CREBBP: variants seen among roughly 807,000 people sequenced by gnomAD.
CREBBP encodes the protein CREB-binding protein.
Under a neutral mutation model 265.0 loss-of-function variants are expected in CREBBP, and 19 were observed. That is an observed-to-expected ratio of 0.07 (90% CI 0.05 to 0.11). CREBBP has a LOEUF of 0.11. Among genes scored for constraint, CREBBP ranks in the 10% least tolerant of loss-of-function variants. CREBBP has a pLI of 1.00. For synonymous variants in CREBBP, 1,457 were observed against 1,223.7 expected (o/e 1.19, Z -3.98); for missense variants, 2,525 against 3,219.0 (o/e 0.78, Z 5.22).
At chr16:3,849,453 G>GA (rs1567360806) in intron 2 of CREBBP, among the ~76,000 whole-genome samples, 1 of 71,772 alleles carries the variant, frequency 1.4e-5, no homozygotes, top group African/African-American at 4.1e-5. Flanking sequence ...GTGTGTGTGT[G>GA]TGTGTGTGTG....
At chr16:3,746,629 G>A (rs554380793) in intron 21 of CREBBP, among the ~76,000 whole-genome samples, 49 of 152,240 alleles carry the variant, frequency 3.2e-4, no homozygotes, top group African/African-American at 1.1e-3. Flanking sequence ...TCCCTCCCAT[G>A]TCAGGGGAAA....
intron 5 of CREBBP, among the ~76,000 whole-genome samples, chr16:3,787,428 C>T (rs1415804659): frequency 6.6e-6 from 1 of 152,116 alleles, no homozygotes; most frequent in African/African-American, 2.4e-5. Context: ...CAATCAAGCC[C>T]ACCATTCTCT....
chr16:3,818,986 C>G (rs1205935892), intron 2 of CREBBP, among the ~76,000 whole-genome samples: 2 of 152,356 alleles, frequency 1.3e-5, no homozygotes, highest in Non-Finnish European at 2.9e-5. Context: ...GGGCTCATCA[C>G]CTCCCCGCTT....
chr16:3,879,738 GA>G, intron 1 of CREBBP, 93 bp downstream of exon 1: 1 of 1,350,664 alleles, frequency 7.4e-7, no homozygotes, highest in Non-Finnish European at 1.0e-6. Flanking sequence ...CTCCCGGCTC[GA>G]TCGGTATCCG....
intron 16 of CREBBP, among the ~76,000 whole-genome samples, chr16:3,761,396 G>A (rs1262594368): frequency 6.6e-6 from 1 of 152,160 alleles, no homozygotes; most frequent in Non-Finnish European, 1.5e-5. Flanking sequence ...TGTGGGGTGG[G>A]GATGGTCTAA....
At chr16:3,758,802 A>G in intron 17 of CREBBP, 52 bp downstream of exon 17, 1 of 1,298,456 alleles carries the variant, frequency 7.7e-7, no homozygotes, top group Non-Finnish European at 1.1e-6. Flanking sequence ...AACAATGGAC[A>G]CTCAGAAGTC....
rs1027808459 is a variant in CREBBP at position 3,836,326 on chromosome 16, C to T, written c.798+13971G>A. Among the ~76,000 whole-genome samples, 5 of 149,624 alleles carry T rather than the reference C, an allele frequency of 3.3e-5. No homozygotes were observed. In the South Asian group the frequency reaches 6.3e-4, roughly 19 times the overall value. On this transcript the variant is annotated intron_variant, in intron 2 of 30. Coordinates refer to ENST00000262367, the MANE Select transcript of CREBBP (RefSeq NM_004380.3). ...GTGCACACCTGTAGTCCCAGCTACT[C>T]GGGAGGCTGAGGTAGGAGAATCGCT...
At chr16:3,879,733 GGCT>G (rs2055484939) in intron 1 of CREBBP, 96 bp downstream of exon 1, 1 of 1,307,328 alleles carries the variant, frequency 7.6e-7, no homozygotes, top group Non-Finnish European at 1.1e-6. Context: ...CCGAGCTCCC[GGCT>G]CGATCGGTAT....
chr16:3,774,032 G>GTGAGCCCTGTGCTT, intron 12 of CREBBP, 102 bp from the exon 13 acceptor site: 1 of 1,271,452 alleles, frequency 7.9e-7, no homozygotes, highest in Non-Finnish European at 1.1e-6. Context: ...CCCAGAGGAT[G>GTGAGCCCTGTGCTT]GCAAGCACAG....
At chr16:3,849,984 G>C (rs1342767013) in intron 2 of CREBBP, among the ~76,000 whole-genome samples, 1 of 152,176 alleles carries the variant, frequency 6.6e-6, no homozygotes, top group East Asian at 1.9e-4. Flanking sequence ...ATACAGACCA[G>C]TGATCACCTC....
At chr16:3,769,436 T>C in intron 14 of CREBBP, 83 bp from the exon 15 acceptor site, 1 of 1,526,188 alleles carries the variant, frequency 6.6e-7, no homozygotes, top group Non-Finnish European at 9.1e-7. Context: ...CAACCTACAA[T>C]TTCCCATTAA....
chr16:3,758,699 T>C (rs115140990), intron 17 of CREBBP, among the ~76,000 whole-genome samples, 155 bp downstream of exon 17: 1 of 152,292 alleles, frequency 6.6e-6, no homozygotes, highest in African/African-American at 2.4e-5. Flanking sequence ...AAATAAACAC[T>C]TTCACTGATA....
At chr16:3,842,826 C>T (rs1436993244) in intron 2 of CREBBP, among the ~76,000 whole-genome samples, 1 of 151,650 alleles carries the variant, frequency 6.6e-6, no homozygotes, top group Non-Finnish European at 1.5e-5. Context: ...ATTAGCCGGG[C>T]GTGGTGGCGG....
At chr16:3,796,607 G>C (rs891129875) in intron 3 of CREBBP, among the ~76,000 whole-genome samples, 3 of 151,988 alleles carry the variant, frequency 2.0e-5, no homozygotes, top group African/African-American at 4.8e-5. Flanking sequence ...AGCTGGTCTT[G>C]AACTCCTGAC....
intron 10 of CREBBP, 27 bp downstream of exon 10, chr16:3,777,978 CTAAGGG>C: frequency 1.2e-6 from 2 of 1,610,940 alleles, no homozygotes; most frequent in Non-Finnish European, 1.7e-6. Context: ...AGGAAACAGG[CTAAGGG>C]ATGGCAGTAG....
At chr16:3,818,905 C>T (rs2054090796) in intron 2 of CREBBP, among the ~76,000 whole-genome samples, 1 of 152,266 alleles carries the variant, frequency 6.6e-6, no homozygotes, top group South Asian at 2.1e-4. Flanking sequence ...AGGGCAGGGA[C>T]ACACTAAATC....
chr16:3,810,451 A>T (rs1378683142), intron 3 of CREBBP, 152 bp downstream of exon 3: 1 of 869,128 alleles, frequency 1.2e-6, no homozygotes. Context: ...TGTTAAACTC[A>T]TTTAGAGAGC....
intron 2 of CREBBP, among the ~76,000 whole-genome samples, chr16:3,816,353 G>T (rs2054035827): frequency 6.6e-6 from 1 of 152,164 alleles, no homozygotes; most frequent in Non-Finnish European, 1.5e-5. Flanking sequence ...GAAAAATATT[G>T]AAGCCAGATC....
intron 19 of CREBBP, 164 bp from the exon 20 acceptor site, chr16:3,751,970 GT>G (rs1302824075): frequency 5.7e-6 from 4 of 701,146 alleles, no homozygotes; most frequent in Non-Finnish European, 1.0e-5. Context: ...CAGGGGGCAG[GT>G]GGGGAAAGGC....
Sources: gnomAD v4.1 joint callset for allele counts (sites outside exome capture counted in the v4.1 genomes callset) on GRCh38, gnomAD v4.1.1 for gene constraint, MANE v1.5 for transcripts, NCBI Gene and HGNC (gene_info 2026-07-23, HGNC 2026-07-21) for gene names.